Variants in NFKB1 observed in about 807,000 individuals in gnomAD.
The protein encoded by NFKB1 is nuclear factor kappa B subunit 1.
NFKB1 carries 9 observed loss-of-function variants against 105.1 expected under a neutral mutation model. That is an observed-to-expected ratio of 0.09 (90% CI 0.05 to 0.15). The LOEUF (loss-of-function observed/expected upper bound fraction) is 0.15. NFKB1 is among the 10% of genes least tolerant of loss of function. NFKB1 has a pLI of 1.00. For synonymous variants in NFKB1, 440 were observed against 442.2 expected, an observed-to-expected ratio of 1.00 and a Z score of 0.06; for missense variants, 830 against 1,203.7, an observed-to-expected ratio of 0.69 and a Z score of 4.59.
chr4:102,592,974 G>C (rs1461887273), intron 11 of NFKB1, among the ~76,000 whole-genome samples: 1 of 152,120 alleles, frequency 6.6e-6, no homozygotes, highest in African/African-American at 2.4e-5. Flanking sequence ...ATGTTGGAGG[G>C]TTCTTGGCAG....
At chr4:102,612,880 G>A (rs1354670516) in intron 22 of NFKB1, among the ~76,000 whole-genome samples, 1 of 152,068 alleles carries the variant, frequency 6.6e-6, no homozygotes, top group Non-Finnish European at 1.5e-5. Flanking sequence ...GAACTTTAAC[G>A]GCCCTGAGCA....
At chr4:102,598,765 A>G (rs889522354) in intron 15 of NFKB1, among the ~76,000 whole-genome samples, 2 of 152,256 alleles carry the variant, frequency 1.3e-5, no homozygotes, top group Non-Finnish European at 1.5e-5. Context: ...TGTTAAATTG[A>G]TAAGTCTAAG....
chr4:102,602,385 A>T (rs951464501), intron 16 of NFKB1, among the ~76,000 whole-genome samples: 1 of 151,366 alleles, frequency 6.6e-6, no homozygotes, highest in African/African-American at 2.4e-5. Context: ...AAAAAAAAAA[A>T]AAAAATTAGC....
chr4:102,502,922 T>C (rs562554496), intron 1 of NFKB1, among the ~76,000 whole-genome samples: 1 of 152,242 alleles, frequency 6.6e-6, no homozygotes, highest in East Asian at 1.9e-4. Context: ...ATAGTAAAGG[T>C]TAGGGTCAAG....
intron 5 of NFKB1, among the ~76,000 whole-genome samples, chr4:102,549,196 G>A (rs985665098): frequency 6.6e-6 from 1 of 151,918 alleles, no homozygotes; most frequent in African/African-American, 2.4e-5. Context: ...TTCTTACTAT[G>A]TATCTGTTAT....
intron 5 of NFKB1, among the ~76,000 whole-genome samples, chr4:102,562,201 C>G (rs542349117): frequency 6.6e-6 from 1 of 152,112 alleles, no homozygotes; most frequent in Non-Finnish European, 1.5e-5. Context: ...TGGCCTCACC[C>G]ACCCCCTTGC....
intron 2 of NFKB1, among the ~76,000 whole-genome samples, chr4:102,526,329 A>T (rs955412528): frequency 5.3e-5 from 8 of 152,052 alleles, no homozygotes; most frequent in African/African-American, 1.9e-4. Context: ...CAGACCATGG[A>T]GATTCAGAAA....
intron 1 of NFKB1, among the ~76,000 whole-genome samples, chr4:102,515,101 A>ATTTTTTT (rs1320060448): frequency 1.7e-5 from 2 of 117,386 alleles, no homozygotes; most frequent in Non-Finnish European, 3.5e-5. Flanking sequence ...TATTATTATT[A>ATTTTTTT]TTATTATTTT....
At chr4:102,562,538 G>C (rs1723527061) in intron 5 of NFKB1, among the ~76,000 whole-genome samples, 1 of 152,134 alleles carries the variant, frequency 6.6e-6, no homozygotes, top group African/African-American at 2.4e-5. Context: ...GTATTACCTA[G>C]GTGGGAGAGA....
intron 10 of NFKB1, among the ~76,000 whole-genome samples, chr4:102,583,691 T>C (rs1372660940): frequency 3.9e-5 from 6 of 151,936 alleles, no homozygotes; most frequent in African/African-American, 1.2e-4. Context: ...TGGCAACTGA[T>C]TAAATGATCA....
At chr4:102,569,111 C>G (rs1220156002) in intron 6 of NFKB1, among the ~76,000 whole-genome samples, 4 of 152,084 alleles carry the variant, frequency 2.6e-5, no homozygotes, top group East Asian at 1.9e-4. Context: ...CCAAAATACA[C>G]TATTTCTTTC....
chr4:102,613,388 C>T, intron 22 of NFKB1, 37 bp from the exon 23 acceptor site: 2 of 1,605,204 alleles, frequency 1.2e-6, no homozygotes, highest in Non-Finnish European at 1.7e-6. Context: ...GGGACTCGAA[C>T]ACAAGAACAT....
At position 102,525,571 on chromosome 4, in the gene NFKB1, T is replaced by G; in HGVS notation, c.39+14T>G. On this transcript the variant is annotated intron_variant, in intron 2 of 23. Transcript: ENST00000226574. ...AGGCCTGAACAAGTAAGTGTCATAA[T>G]CTCACTGATAACTTTATTTAAATAT... 2 of 1,604,626 alleles carry G rather than the reference T, an allele frequency of 1.2e-6. No individual in the cohort carries two copies. Among genetic ancestry groups the G allele is most frequent in the Non-Finnish European group, 1.7e-6 (2 of 1,173,432 alleles).
chr4:102,579,593 T>C (rs995516500), intron 8 of NFKB1, among the ~76,000 whole-genome samples: 1 of 148,632 alleles, frequency 6.7e-6, no homozygotes, highest in Non-Finnish European at 1.5e-5. Context: ...TGGGAGGATA[T>C]GGAGTTTCAG....
chr4:102,502,320 A>G (rs777876107), intron 1 of NFKB1, among the ~76,000 whole-genome samples: 10 of 151,248 alleles, frequency 6.6e-5, no homozygotes, highest in African/African-American at 1.9e-4. Flanking sequence ...TCCTACTTCT[A>G]AAAGAAACCT....
At chr4:102,607,406 G>A in intron 18 of NFKB1, 87 bp downstream of exon 18, 3 of 1,411,950 alleles carry the variant, frequency 2.1e-6, no homozygotes, top group African/African-American at 2.8e-5. Context: ...AGTAGCTGCT[G>A]TTCTCCCTTA....
chr4:102,553,675 G>A (rs892154838), intron 5 of NFKB1, among the ~76,000 whole-genome samples: 6 of 152,052 alleles, frequency 3.9e-5, no homozygotes, highest in Admixed American at 3.9e-4. Flanking sequence ...CTCCACTTAT[G>A]TAATTGAAGC....
chr4:102,580,313 G>A (rs1246371735), intron 8 of NFKB1, among the ~76,000 whole-genome samples: 1 of 152,132 alleles, frequency 6.6e-6, no homozygotes, highest in Non-Finnish European at 1.5e-5. Flanking sequence ...ACAAATACCT[G>A]TTCCTTTCTA....
At chr4:102,540,989 C>T (rs1741963213) in intron 5 of NFKB1, among the ~76,000 whole-genome samples, 1 of 152,130 alleles carries the variant, frequency 6.6e-6, no homozygotes, top group Admixed American at 6.5e-5. Context: ...TAAGCACCTG[C>T]TCGGCGAGAG....
Sources: gnomAD v4.1 joint callset for allele counts (sites outside exome capture counted in the v4.1 genomes callset) on GRCh38, gnomAD v4.1.1 for gene constraint, MANE v1.5 for transcripts, NCBI Gene and HGNC (gene_info 2026-07-23, HGNC 2026-07-21) for gene names.